RASGRF1: variants seen among roughly 807,000 people sequenced by gnomAD.
RASGRF1 encodes the protein Ras protein specific guanine nucleotide releasing factor 1.
A neutral mutation model predicts 138.7 loss-of-function variants in RASGRF1; 40 were observed. The observed-to-expected ratio is 0.29, with a 90% CI of 0.22 to 0.38. The LOEUF (loss-of-function observed/expected upper bound fraction) is 0.38. RASGRF1 is among the 10% of genes least tolerant of loss of function. The pLI is 1.00. For missense variants in RASGRF1, 1,108 were observed against 1,650.4 expected (o/e 0.67, Z 5.69); for synonymous variants, 614 against 663.2 (o/e 0.93, Z 1.14).
chr15:79,029,143 A>G (rs1021586892), intron 8 of RASGRF1, among the ~76,000 whole-genome samples: 8 of 152,238 alleles, frequency 5.3e-5, no homozygotes, highest in African/African-American at 1.9e-4. Flanking sequence ...AATTCACTAG[A>G]CTAGCCCTTT....
chr15:79,013,129 C>A (rs2056825873), intron 13 of RASGRF1, among the ~76,000 whole-genome samples: 1 of 152,194 alleles, frequency 6.6e-6, no homozygotes, highest in Non-Finnish European at 1.5e-5. Flanking sequence ...ATCATGTCCC[C>A]CATTTACAAC....
intron 24 of RASGRF1, among the ~76,000 whole-genome samples, chr15:78,977,331 G>A (rs921956092): frequency 6.6e-6 from 1 of 152,176 alleles, no homozygotes; most frequent in Admixed American, 6.5e-5. Context: ...GAGGGCATGA[G>A]GGCCCTTGAG....
At position 79,032,370 on chromosome 15, in the gene RASGRF1, T is replaced by TCC. The variant is rs2057153265; in HGVS notation, c.959-56_959-55dup. ...CTAGGGCAGCTTGGTGGGGACAGAA[T>TCC]CCCCTAGGCCCTTGGCTCCCCCAGC... On this transcript the variant is annotated intron_variant, in intron 6 of 26. Transcript: ENST00000558480. This position sits in a 1 kb window ranked among gnomAD's most constrained non-coding sequence, Gnocchi z 4.5. 10 of 1,560,534 alleles carry TCC rather than the reference T, an allele frequency of 6.4e-6. No individual in the cohort carries two copies. The highest frequency in any genetic ancestry group is 1.4e-5 in the African/African-American group (1 of 73,856).
intron 20 of RASGRF1, 70 bp from the exon 21 acceptor site, chr15:78,991,864 C>T: frequency 7.8e-7 from 1 of 1,284,612 alleles, no homozygotes; most frequent in Non-Finnish European, 1.1e-6. Context: ...TTCCCAGCTG[C>T]CTCTGTGGGG....
intron 26 of RASGRF1, among the ~76,000 whole-genome samples, chr15:78,970,008 G>A (rs1046662672): frequency 2.0e-5 from 3 of 152,154 alleles, no homozygotes; most frequent in Admixed American, 2.0e-4. Flanking sequence ...TTTCTCCTTC[G>A]ATACGGCTAT....
intron 5 of RASGRF1, among the ~76,000 whole-genome samples, chr15:79,039,181 G>T (rs1311276879): frequency 6.6e-6 from 1 of 151,560 alleles, no homozygotes; most frequent in African/African-American, 2.4e-5. Context: ...CACACTGGTG[G>T]TCCCAGCTAC....
chr15:79,021,823 A>G (rs557945481), intron 10 of RASGRF1, among the ~76,000 whole-genome samples: 1 of 152,256 alleles, frequency 6.6e-6, no homozygotes, highest in East Asian at 1.9e-4. Flanking sequence ...AAATATACAT[A>G]ATGTATTTGA....
At chr15:79,087,348 T>C (rs2057994674) in intron 1 of RASGRF1, among the ~76,000 whole-genome samples, 1 of 152,248 alleles carries the variant, frequency 6.6e-6, no homozygotes, top group Non-Finnish European at 1.5e-5. Context: ...GTGCATCTAC[T>C]ATGTGCACGG....
intron 1 of RASGRF1, among the ~76,000 whole-genome samples, chr15:79,066,991 C>T (rs1473312960): frequency 6.6e-6 from 1 of 152,144 alleles, no homozygotes; most frequent in Non-Finnish European, 1.5e-5. Flanking sequence ...TCACTGCTGC[C>T]CTAGGTTAGG....
chr15:78,975,403 AAAG>A (rs1413648661), intron 24 of RASGRF1, among the ~76,000 whole-genome samples: 153 of 128,432 alleles, frequency 1.2e-3, no homozygotes, highest in Middle Eastern at 0.011. Flanking sequence ...TTAAAAAAAA[AAAG>A]AAAAGAGTAA....
rs1250856742 is a variant in RASGRF1 at position 78,992,677 on chromosome 15, A to G, written c.3028-883T>C. ...GAGAGCGGTCAACCCCTCAGGCAGC[A>G]GGTGCTCTGAGAGATGACTGTCTCG... On this transcript the variant is annotated intron_variant, in intron 20 of 26. Transcript: ENST00000558480. Among the ~76,000 whole-genome samples the G allele has an allele frequency of 2.0e-5, 3 of 152,194 alleles. No individual in the cohort carries two copies. The South Asian group carries it at 6.2e-4, about 32-fold the overall frequency.
intron 2 of RASGRF1, among the ~76,000 whole-genome samples, chr15:79,060,680 G>C (rs2057591833): frequency 6.6e-6 from 1 of 152,256 alleles, no homozygotes; most frequent in East Asian, 1.9e-4. Context: ...AGAGCAGACA[G>C]ACACCCTCAG....
rs1809767342 is a variant in RASGRF1 at position 79,055,696 on chromosome 15, C to T, written c.531+2638G>A. On this transcript the variant is annotated intron_variant, in intron 3 of 26. Transcript: ENST00000558480. Reference sequence around the variant, plus strand: ...TTCTCTGACCTACAATGCCCTGACACCATTTAAGGCCACGTGCAACATAAA... The same window carrying T: ...TTCTCTGACCTACAATGCCCTGACATCATTTAAGGCCACGTGCAACATAAA... Among the ~76,000 whole-genome samples the T allele has an allele frequency of 2.0e-5, 3 of 152,162 alleles. No individual in the cohort carries two copies. In the South Asian group the frequency reaches 6.2e-4, roughly 32 times the overall value.
chr15:78,969,357 C>T (rs2055705456), intron 26 of RASGRF1, among the ~76,000 whole-genome samples: 1 of 152,206 alleles, frequency 6.6e-6, no homozygotes, highest in African/African-American at 2.4e-5. Context: ...GATGTTGTGG[C>T]TCATGATGCC....
At chr15:79,065,559 G>C (rs1217068016) in intron 1 of RASGRF1, among the ~76,000 whole-genome samples, 1 of 152,096 alleles carries the variant, frequency 6.6e-6, no homozygotes, top group Non-Finnish European at 1.5e-5. Flanking sequence ...GAAGGGGCAG[G>C]GGGCTCTGAG....
At chr15:78,999,233 C>G (rs769613155) in intron 17 of RASGRF1, among the ~76,000 whole-genome samples, 2 of 151,958 alleles carry the variant, frequency 1.3e-5, no homozygotes, top group African/African-American at 4.8e-5. Context: ...GGCTTTATGT[C>G]GAGTAGAAGC....
intron 26 of RASGRF1, 147 bp downstream of exon 26, chr15:78,971,719 A>G: frequency 1.4e-6 from 1 of 713,726 alleles, no homozygotes. Flanking sequence ...GGACTAGGGA[A>G]GCCTTCCTTA....
In RASGRF1 at chr15:78,961,098, C is replaced by T. The variant is rs764585580; in HGVS notation, c.*1046G>A. ...TTGTAGTGGAGCATGCCTGCCACTTCGGAGTTAACCTGTGTTTTCTATACT... is the reference window on the plus strand; with the variant it reads ...TTGTAGTGGAGCATGCCTGCCACTTTGGAGTTAACCTGTGTTTTCTATACT... On this transcript the variant is annotated 3_prime_UTR_variant, in exon 27 of 27. Coordinates refer to ENST00000558480, the MANE Select transcript of RASGRF1 (RefSeq NM_001145648.3). The T allele has an allele frequency of 3.9e-5, 6 of 152,184 alleles. No individual in the cohort carries two copies. The highest frequency in any genetic ancestry group is 7.2e-5 in the African/African-American group (3 of 41,440). 9.4% of individuals were successfully genotyped at this position (152,184 alleles called of 1,614,324 possible).
chr15:79,059,605 A>G (rs2057569544), intron 2 of RASGRF1, among the ~76,000 whole-genome samples: 1 of 152,198 alleles, frequency 6.6e-6, no homozygotes, highest in Non-Finnish European at 1.5e-5. Context: ...CTGGAGCTAG[A>G]GTCGGGCTCC....
Sources: gnomAD v4.1 joint callset for allele counts (sites outside exome capture counted in the v4.1 genomes callset) on GRCh38, gnomAD v4.1.1 for gene constraint, Gnocchi (gnomAD v3.1) non-coding constraint, MANE v1.5 for transcripts, NCBI Gene and HGNC (gene_info 2026-07-23, HGNC 2026-07-21) for gene names.